The following NAE1 variants were observed in gnomAD, a reference collection of about 807,000 sequenced individuals.
NAE1 encodes the protein NEDD8 activating enzyme E1 subunit 1.
In NAE1, 59 loss-of-function variants were observed where a neutral mutation model predicts 88.0. The observed-to-expected ratio is 0.67, with a 90% CI of 0.54 to 0.83. NAE1 has a LOEUF of 0.83. Among genes scored for constraint, NAE1 ranks in the 40% least tolerant of loss-of-function variants. The probability of loss-of-function intolerance (pLI) is 0.00; values close to 1 mark genes in which losing one functional copy is unlikely to be tolerated. For missense variants in NAE1, 554 were observed against 632.8 expected (o/e 0.88, Z 1.34); for synonymous variants, 186 against 208.9 (o/e 0.89, Z 0.95).
At position 66,802,980 on chromosome 16, in the gene NAE1, T is replaced by C. The variant is rs1406781405; in HGVS notation, c.*29A>G. The C allele has an allele frequency of 1.5e-6, 2 of 1,377,390 alleles. No homozygotes were observed. The highest frequency in any genetic ancestry group is 2.9e-5 in the African/African-American group (2 of 69,942). The allele number at this position is 1,377,390 out of a possible 1,614,324, so 85.3% of individuals were successfully genotyped here. On this transcript the variant is annotated 3_prime_UTR_variant, in exon 20 of 20. Coordinates refer to ENST00000290810, the MANE Select transcript of NAE1 (RefSeq NM_003905.4). ...CGAAGGCAATTACAGTTTCAATCAT[T>C]AACACACTACTTAAGGTGCTTGCTT...
rs751324919 is a variant in NAE1 at position 66,806,029 on chromosome 16, A to G, written c.1331-3T>C. 1 of 1,598,414 alleles carries G rather than the reference A, an allele frequency of 6.3e-7. No individual in the cohort carries two copies. Among genetic ancestry groups the G allele is most frequent in the South Asian group, 1.1e-5 (1 of 86,986 alleles). On this transcript the variant is annotated splice_polypyrimidine_tract_variant and splice_region_variant and intron_variant, in intron 17 of 19. Transcript: ENST00000290810. The stretch of plus-strand genomic sequence containing the variant: ...TTCAACTTGATAGTTAGATACTCCT[A>G]AAAATAAAAGTTAGTTTTCATTAAA...
Position 66,816,533 on chromosome 16 carries a change from C to T in NAE1, c.840+48G>A. 1.5e-6 allele frequency: 2 copies of T among 1,316,262 alleles called. 1 individual carries two copies. The highest frequency in any genetic ancestry group is 2.4e-5 in the South Asian group (2 of 83,150). 81.5% of individuals were successfully genotyped at this position (1,316,262 alleles called of 1,614,324 possible). ...GTCAACCATTTAATAGCCAAGGACT[C>T]TAGAAAACATCTTGTTCATGTGAAT... On this transcript the variant is annotated intron_variant, in intron 11 of 19. Transcript: ENST00000290810.
intron 1 of NAE1, chr16:66,827,906 G>T: frequency 2.2e-6 from 3 of 1,340,174 alleles, no homozygotes; most frequent in South Asian, 2.4e-5. Context: ...GACTGGTCTT[G>T]AACTCCTGGG....
chr16:66,810,307 C>T, intron 15 of NAE1, 67 bp downstream of exon 15: 1 of 1,304,788 alleles, frequency 7.7e-7, no homozygotes, highest in East Asian at 2.3e-5. Context: ...ATTCAAAATA[C>T]CTGGGAACAT....
chr16:66,806,346 C>A (rs924916245), intron 17 of NAE1, among the ~76,000 whole-genome samples: 2 of 152,080 alleles, frequency 1.3e-5, no homozygotes, highest in Non-Finnish European at 1.5e-5. Context: ...CCTACTTATA[C>A]CCTTTATAAA....
At chr16:66,820,129 C>T (rs1445952024) in intron 7 of NAE1, among the ~76,000 whole-genome samples, 5 of 152,248 alleles carry the variant, frequency 3.3e-5, no homozygotes, top group Admixed American at 2.6e-4. Flanking sequence ...CTGACAAGCA[C>T]TCCCTAACTG....
At chr16:66,803,801 C>A (rs1194551163) in intron 19 of NAE1, among the ~76,000 whole-genome samples, 2 of 151,940 alleles carry the variant, frequency 1.3e-5, no homozygotes, top group African/African-American at 4.8e-5. Context: ...CCATGTTGGC[C>A]AGGATGGTTT....
rs542273470 is a variant in NAE1, at chr16:66,812,088, C to A, written c.1035-1316G>T. 3.9e-5 allele frequency among the ~76,000 whole-genome samples: 6 copies of A among 152,250 alleles called. No homozygotes were observed. The East Asian group carries it at 1.2e-3, about 29-fold the overall frequency. ...CAAGATGTCTAGCTATAGTCATAGA[C>A]TATAACTTATGAAACATTAAGATAA... is the stretch of plus-strand genomic sequence containing the variant. On this transcript the variant is annotated intron_variant, in intron 13 of 19. Coordinates refer to ENST00000290810, the MANE Select transcript of NAE1 (RefSeq NM_003905.4).
At position 66,826,776 on chromosome 16, in the gene NAE1, A is replaced by G; in HGVS notation, c.58T>C (p.Trp20Arg). The G allele has an allele frequency of 2.5e-6, 4 of 1,597,472 alleles. No homozygotes were observed. Among genetic ancestry groups the G allele is most frequent in the Non-Finnish European group, 3.4e-6 (4 of 1,175,158 alleles). Residue 20 changes from tryptophan (W) to arginine (R), a missense_variant, in exon 2 of 20, where the codon TGG becomes CGG. Trp to Arg is a moderately radical substitution (Grantham distance 101). Transcript: ENST00000290810. ...AAAGCCTCTTGCCCATGATCACCCC[A>G]CAACCTACAAAACAGACACAAATTT... ...EQKYDRQLRL[W>R]GDHGQEALES...
chr16:66,828,131 C>T lies in NAE1; in HGVS notation c.54-1351G>A, dbSNP rs913064108. The T allele has an allele frequency of 3.7e-4, 482 of 1,315,460 alleles. 4 individuals carry two copies. The highest frequency in any genetic ancestry group is 2.1e-4 in the East Asian group (9 of 43,198). The allele number at this position is 1,315,460 out of a possible 1,614,324, so 81.5% of individuals were successfully genotyped here. ...CTGTTTTCTCCATCAAAGTATGGCACGTAGAAGACACCTGACATATATGGT... is the reference window on the plus strand; with the variant it reads ...CTGTTTTCTCCATCAAAGTATGGCATGTAGAAGACACCTGACATATATGGT... On this transcript the variant is annotated intron_variant, in intron 1 of 19. Transcript: ENST00000290810.
chr16:66,819,532 G>C (rs1321413381), intron 7 of NAE1, among the ~76,000 whole-genome samples: 4 of 152,156 alleles, frequency 2.6e-5, no homozygotes, highest in African/African-American at 9.7e-5. Context: ...AGATATTAAA[G>C]TATCTACAGA....
intron 1 of NAE1, among the ~76,000 whole-genome samples, chr16:66,829,518 C>T (rs1196111582): frequency 6.6e-6 from 1 of 152,154 alleles, no homozygotes; most frequent in African/African-American, 2.4e-5. Context: ...GAAATGGTTG[C>T]TTTCAAGGGT....
chr16:66,810,513 C>T, intron 14 of NAE1, 100 bp from the exon 15 acceptor site: 1 of 1,214,418 alleles, frequency 8.2e-7, no homozygotes, highest in East Asian at 2.3e-5. Context: ...AGGCTTTCTC[C>T]AAGAGCTGGG....
chr16:66,829,324 C>T (rs1475295159), intron 1 of NAE1, among the ~76,000 whole-genome samples: 3 of 152,152 alleles, frequency 2.0e-5, no homozygotes, highest in African/African-American at 7.2e-5. Flanking sequence ...TACAAGAAAA[C>T]CTAAGTTGGT....
chr16:66,816,913 T>C (rs1960065063), intron 10 of NAE1, 52 bp downstream of exon 10: 6 of 1,557,404 alleles, frequency 3.9e-6, no homozygotes, highest in Middle Eastern at 1.7e-4. Flanking sequence ...TACCTGCCTC[T>C]AGCAATTTGC....
chr16:66,803,518 C>T (rs1432287485), intron 19 of NAE1, among the ~76,000 whole-genome samples: 1 of 152,010 alleles, frequency 6.6e-6, no homozygotes, highest in African/African-American at 2.4e-5. Context: ...AACAAAAAAA[C>T]TACTAAGAAA....
intron 6 of NAE1, among the ~76,000 whole-genome samples, chr16:66,821,916 C>T (rs1960277425): frequency 6.6e-6 from 1 of 152,194 alleles, no homozygotes; most frequent in Admixed American, 6.5e-5. Flanking sequence ...GTTGCCCAGG[C>T]TGGAGTGCAG....
intron 1 of NAE1, among the ~76,000 whole-genome samples, chr16:66,828,876 G>T (rs1037782881): frequency 6.6e-6 from 1 of 151,908 alleles, no homozygotes; most frequent in Non-Finnish European, 1.5e-5. Flanking sequence ...TCAAGAGGCT[G>T]AGGCAGGAGG....
intron 17 of NAE1, 30 bp downstream of exon 17, chr16:66,808,491 T>TA: frequency 7.5e-7 from 1 of 1,330,010 alleles, no homozygotes; most frequent in Non-Finnish European, 1.1e-6. Flanking sequence ...AAGATCTTAT[T>TA]ATATCTGGTA....
Sources: gnomAD v4.1 joint callset for allele counts (sites outside exome capture counted in the v4.1 genomes callset) on GRCh38, gnomAD v4.1.1 for gene constraint, MANE v1.5 for transcripts, NCBI Gene and HGNC (gene_info 2026-07-23, HGNC 2026-07-21) for gene names.